The following CFAP161 variants were observed in gnomAD, a reference collection of about 807,000 sequenced individuals.
CFAP161 encodes cilia and flagella associated protein 161, also known as cilia- and flagella-associated protein 161.
A neutral mutation model predicts 29.0 loss-of-function variants in CFAP161; 25 were observed. The ratio of observed to expected loss-of-function variants is 0.86; its 90% confidence interval spans 0.63 to 1.20. The LOEUF (loss-of-function observed/expected upper bound fraction) is 1.20, where lower values mean the gene tolerates loss of function less well. Among genes scored for constraint, CFAP161 ranks in the 50% most tolerant of loss-of-function variants. The pLI is 0.00. For missense variants in CFAP161, 367 were observed against 371.9 expected (o/e 0.99, Z 0.11); for synonymous variants, 116 against 137.4 (o/e 0.84, Z 1.09).
At chr15:81,100,037 A>C (rs1894284513) in intron 1 of CFAP161, among the ~76,000 whole-genome samples, 1 of 151,982 alleles carries the variant, frequency 6.6e-6, no homozygotes, top group Non-Finnish European at 1.5e-5. Context: ...CATGTACGGC[A>C]TTTAAAGCAG....
rs1018210922 is a variant in CFAP161, at chr15:81,134,283, A to G, written c.-47A>G. Reference sequence around the variant, plus strand: ...GGTCGTCATGGCGACGCGCCACGCTAACGCATGGTGTCGGAGGGAGGCCCA... The same window carrying G: ...GGTCGTCATGGCGACGCGCCACGCTGACGCATGGTGTCGGAGGGAGGCCCA... On this transcript the variant is annotated 5_prime_UTR_variant, in exon 1 of 7. Transcript: ENST00000286732. 6.4e-7 allele frequency: 1 copy of G among 1,557,316 alleles called. No homozygotes were observed. Among genetic ancestry groups the G allele is most frequent in the South Asian group, 1.2e-5 (1 of 84,562 alleles).
intron 1 of CFAP161, among the ~76,000 whole-genome samples, chr15:81,115,223 T>C (rs1688308075): frequency 6.6e-6 from 1 of 152,218 alleles, no homozygotes; most frequent in Non-Finnish European, 1.5e-5. Flanking sequence ...TTTCTTTTTT[T>C]AGCATTAGTG....
At chr15:81,123,570 A>G (rs777763425) in intron 1 of CFAP161, among the ~76,000 whole-genome samples, 1 of 152,144 alleles carries the variant, frequency 6.6e-6, no homozygotes, top group Non-Finnish European at 1.5e-5. Flanking sequence ...TTCTAGTTCT[A>G]TGAAGAATGT....
chr15:81,138,239 G>GCCCATGA, intron 4 of CFAP161, 104 bp downstream of exon 4: 1 of 919,920 alleles, frequency 1.1e-6, no homozygotes, highest in Non-Finnish European at 1.7e-6. Flanking sequence ...AGAGTCATGG[G>GCCCATGA]CTCCACCTCT....
At chr15:81,106,480 C>G (rs1201904304) in intron 1 of CFAP161, among the ~76,000 whole-genome samples, 2 of 152,156 alleles carry the variant, frequency 1.3e-5, no homozygotes, top group African/African-American at 2.4e-5. Flanking sequence ...GGCTTTTAAC[C>G]TCGGTGTTTA....
intron 4 of CFAP161, among the ~76,000 whole-genome samples, chr15:81,143,127 A>G (rs1894942231): frequency 6.6e-6 from 1 of 152,122 alleles, no homozygotes; most frequent in Non-Finnish European, 1.5e-5. Context: ...AGCTTGGGAA[A>G]CAGTGGGATC....
At chr15:81,117,227 T>C (rs959312947) in intron 1 of CFAP161, among the ~76,000 whole-genome samples, 4 of 152,040 alleles carry the variant, frequency 2.6e-5, no homozygotes, top group Non-Finnish European at 5.9e-5. Context: ...TATACATATA[T>C]ATATAATATA....
chr15:81,132,149 T>C (rs1461889803), upstream of CFAP161, among the ~76,000 whole-genome samples: 2 of 152,088 alleles, frequency 1.3e-5, no homozygotes, highest in African/African-American at 4.8e-5. Flanking sequence ...TGGTGGCACA[T>C]GCCTTTAGCC....
At chr15:81,134,213 T>A, upstream of CFAP161, 1 of 1,261,424 alleles carries the variant, frequency 7.9e-7, no homozygotes, top group Non-Finnish European at 1.1e-6. Context: ...CGCTGTCGCT[T>A]ATTGGCCAGC....
chr15:81,102,460 G>C (rs1191239649), intron 1 of CFAP161, among the ~76,000 whole-genome samples: 1 of 152,002 alleles, frequency 6.6e-6, no homozygotes, highest in African/African-American at 2.4e-5. Flanking sequence ...TTGAGCCCAG[G>C]AGTTCAAGAC....
intron 5 of CFAP161, among the ~76,000 whole-genome samples, chr15:81,146,789 G>A (rs181565298): frequency 1.0e-3 from 134 of 133,704 alleles, no homozygotes; most frequent in African/African-American, 3.3e-3. Context: ...ATGGGGTCAT[G>A]CAAACCTGCC....
chr15:81,131,136 TAAAA>T (rs34706078), upstream of CFAP161, among the ~76,000 whole-genome samples: 3 of 130,920 alleles, frequency 2.3e-5, no homozygotes, highest in Non-Finnish European at 3.2e-5. Context: ...CTTCAATTTG[TAAAA>T]AAAAAAAAAA....
chr15:81,126,581 A>C (rs985199869), intron 1 of CFAP161, among the ~76,000 whole-genome samples: 9 of 152,186 alleles, frequency 5.9e-5, no homozygotes, highest in Non-Finnish European at 8.8e-5. Flanking sequence ...CCAAAAAGTA[A>C]AATTTTTATG....
intron 1 of CFAP161, among the ~76,000 whole-genome samples, chr15:81,125,510 A>G (rs1894629701): frequency 6.6e-6 from 1 of 152,238 alleles, no homozygotes; most frequent in Admixed American, 6.5e-5. Flanking sequence ...AAAACTGACC[A>G]GTAAACTTAA....
chr15:81,118,601 G>A (rs1894530641), intron 1 of CFAP161, among the ~76,000 whole-genome samples: 1 of 152,196 alleles, frequency 6.6e-6, no homozygotes, highest in African/African-American at 2.4e-5. Context: ...GCGGGCAGTC[G>A]CGCTAAACCC....
intron 2 of CFAP161, among the ~76,000 whole-genome samples, chr15:81,127,883 G>A (rs942003409): frequency 1.3e-5 from 2 of 152,176 alleles, no homozygotes; most frequent in Non-Finnish European, 2.9e-5. Context: ...ATTGCAATGG[G>A]ACTATGCATG....
At chr15:81,101,421 G>T (rs1894301781) in intron 1 of CFAP161, among the ~76,000 whole-genome samples, 1 of 150,864 alleles carries the variant, frequency 6.6e-6, no homozygotes, top group Non-Finnish European at 1.5e-5. Context: ...CGGCTACTTG[G>T]GAGGCTGAGG....
At chr15:81,115,205 G>A (rs2141865239) in intron 1 of CFAP161, among the ~76,000 whole-genome samples, 1 of 152,258 alleles carries the variant, frequency 6.6e-6, no homozygotes, top group East Asian at 1.9e-4. Context: ...CTACTTGTCA[G>A]GGAATTTTTT....
chr15:81,144,789 AAAAAAAAAAAG>A (rs1894978190), intron 5 of CFAP161, among the ~76,000 whole-genome samples: 1 of 151,426 alleles, frequency 6.6e-6, no homozygotes, highest in African/African-American at 2.4e-5. Context: ...TGTCTCAAAA[AAAAAAAAAAAG>A]AAAGAAAAAG....
Sources: allele counts gnomAD v4.1 joint callset (sites outside exome capture counted in the v4.1 genomes callset), GRCh38; gene constraint gnomAD v4.1.1; transcripts MANE v1.5; gene names NCBI Gene and HGNC (gene_info 2026-07-23, HGNC 2026-07-21).